The following PSMB2 variants were observed in gnomAD, a reference collection of about 807,000 sequenced individuals.
The protein encoded by PSMB2 is proteasome 20S subunit beta 2.
PSMB2 carries 13 observed loss-of-function variants against 25.7 expected under a neutral mutation model. The observed-to-expected ratio is 0.51, with a 90% CI of 0.33 to 0.80. The LOEUF (loss-of-function observed/expected upper bound fraction) is 0.80. Ranked by LOEUF, PSMB2 falls within the 30% of genes least tolerant of loss-of-function variation. PSMB2 has a pLI of 0.02. For synonymous variants in PSMB2, 87 were observed against 96.2 expected (o/e 0.90, Z 0.56); for missense variants, 202 against 259.0 (o/e 0.78, Z 1.51).
intron 3 of PSMB2, among the ~76,000 whole-genome samples, chr1:35,625,802 C>T (rs1238979404): frequency 6.6e-6 from 1 of 151,794 alleles, no homozygotes; most frequent in Non-Finnish European, 1.5e-5. Context: ...AACTCATCAT[C>T]CTCTGACATT....
intron 3 of PSMB2, among the ~76,000 whole-genome samples, chr1:35,613,104 A>G (rs531300730): frequency 6.6e-6 from 1 of 152,374 alleles, no homozygotes; most frequent in East Asian, 1.9e-4. Context: ...CTCACAAATT[A>G]TTGTGTGACT....
At chr1:35,625,365 G>A (rs1313720041) in intron 3 of PSMB2, among the ~76,000 whole-genome samples, 1 of 152,112 alleles carries the variant, frequency 6.6e-6, no homozygotes, top group Non-Finnish European at 1.5e-5. Context: ...CGTTCCCAAG[G>A]ACACCAGATT....
At chr1:35,635,240 C>G (rs1005654071) in intron 2 of PSMB2, among the ~76,000 whole-genome samples, 11 of 148,244 alleles carry the variant, frequency 7.4e-5, no homozygotes, top group African/African-American at 2.8e-4. Flanking sequence ...GCCTGGACAA[C>G]AAGAGTGAAA....
chr1:35,624,682 G>A (rs1028717332), intron 3 of PSMB2, among the ~76,000 whole-genome samples: 1 of 151,838 alleles, frequency 6.6e-6, no homozygotes, highest in Non-Finnish European at 1.5e-5. Flanking sequence ...AAACCCAGGA[G>A]GCAGAGGTTG....
chr1:35,641,361 A>G lies in PSMB2; in HGVS notation c.72T>C (p.Asn24=). The G allele has an allele frequency of 6.2e-7, 1 of 1,613,912 alleles. No individual in the cohort carries two copies. Among genetic ancestry groups the G allele is most frequent in the Non-Finnish European group, 8.5e-7 (1 of 1,179,964 alleles). ...LVASDRVAAS[N]IVQMKDDHDK... is the part of the protein sequence containing the mutation. ...TCTCACCGTCCTTCATCTGGACAATATTGCTGGCGGCCACCCGGTCGGAGG... is the reference window on the plus strand; with the variant it reads ...TCTCACCGTCCTTCATCTGGACAATGTTGCTGGCGGCCACCCGGTCGGAGG... The change falls in exon 1 of 6, where the codon AAT becomes AAC. Residue 24 remains asparagine (N), a synonymous_variant. Coordinates refer to ENST00000373237, the MANE Select transcript of PSMB2 (RefSeq NM_002794.5).
chr1:35,636,451 T>C lies in PSMB2; in HGVS notation c.92-19A>G, dbSNP rs1026689724. The C allele has an allele frequency of 1.2e-6, 2 of 1,609,808 alleles. No homozygotes were observed. Among genetic ancestry groups the C allele is most frequent in the Non-Finnish European group, 1.7e-6 (2 of 1,178,404 alleles). ...TCATGATCTGCTCAAAGAAGAAAAC[T>C]GTGTTAGAAACTGCCTTAACAGACA... On this transcript the variant is annotated intron_variant, in intron 1 of 5. Coordinates refer to ENST00000373237, the MANE Select transcript of PSMB2 (RefSeq NM_002794.5).
At chr1:35,612,254 C>T (rs1650364046) in intron 3 of PSMB2, among the ~76,000 whole-genome samples, 1 of 151,158 alleles carries the variant, frequency 6.6e-6, no homozygotes. Flanking sequence ...GTAAAGCTGA[C>T]CTTAGGCAAA....
chr1:35,609,533 A>G, intron 3 of PSMB2, 125 bp from the exon 4 acceptor site: 1 of 897,380 alleles, frequency 1.1e-6, no homozygotes, highest in Non-Finnish European at 1.6e-6. Flanking sequence ...AGTAAATCAC[A>G]ATGAAAGTAA....
chr1:35,602,949 A>C lies in PSMB2; in HGVS notation c.*318T>G. The C allele has an allele frequency of 9.5e-7, 1 of 1,051,334 alleles. No homozygotes were observed. Among genetic ancestry groups the C allele is most frequent in the Non-Finnish European group, 1.1e-6 (1 of 870,762 alleles). The allele number at this position is 1,051,334 out of a possible 1,614,324, so 65.1% of individuals were successfully genotyped here. ...GAGAATGGAGATACTAGCAAGTAAAATATATGAAAGAGCTAGTTGGAAAGG... is the reference window on the plus strand; with the variant it reads ...GAGAATGGAGATACTAGCAAGTAAACTATATGAAAGAGCTAGTTGGAAAGG... On this transcript the variant is annotated 3_prime_UTR_variant, in exon 6 of 6. Coordinates refer to ENST00000373237, the MANE Select transcript of PSMB2 (RefSeq NM_002794.5).
intron 3 of PSMB2, among the ~76,000 whole-genome samples, chr1:35,619,497 T>C (rs1304480638): frequency 3.3e-5 from 5 of 152,212 alleles, no homozygotes; most frequent in Non-Finnish European, 7.3e-5. Context: ...TACTGCTTGC[T>C]TGACAGAGCT....
chr1:35,604,522 G>A (rs1418421020), intron 5 of PSMB2, among the ~76,000 whole-genome samples: 2 of 152,220 alleles, frequency 1.3e-5, no homozygotes, highest in African/African-American at 4.8e-5. Flanking sequence ...GCTCATGCCT[G>A]TAATCCCAGC....
chr1:35,605,088 TC>T, intron 5 of PSMB2, 144 bp downstream of exon 5: 1 of 698,274 alleles, frequency 1.4e-6, no homozygotes, highest in East Asian at 2.7e-5. Flanking sequence ...CCAAACTCTA[TC>T]CCTGGTAGCA....
At chr1:35,623,675 A>C (rs1421014736) in intron 3 of PSMB2, among the ~76,000 whole-genome samples, 1 of 152,204 alleles carries the variant, frequency 6.6e-6, no homozygotes, top group East Asian at 1.9e-4. Context: ...GGTGAGCTGA[A>C]GGCAAGCCTC....
At chr1:35,612,310 T>C (rs1198862737) in intron 3 of PSMB2, among the ~76,000 whole-genome samples, 1 of 151,682 alleles carries the variant, frequency 6.6e-6, no homozygotes, top group Admixed American at 6.6e-5. Context: ...TTTTAACATG[T>C]AAAACTGGGT....
chr1:35,619,267 G>A (rs1329944937), intron 3 of PSMB2, among the ~76,000 whole-genome samples: 3 of 152,178 alleles, frequency 2.0e-5, no homozygotes, highest in African/African-American at 7.2e-5. Flanking sequence ...CAGGAATGTT[G>A]CTGCATTTAC....
chr1:35,628,628 TATA>T (rs1233861361), intron 3 of PSMB2, among the ~76,000 whole-genome samples: 18 of 51,150 alleles, frequency 3.5e-4, no homozygotes, highest in African/African-American at 8.5e-4. Flanking sequence ...TATATATATA[TATA>T]TTTTTTTTTT....
intron 3 of PSMB2, among the ~76,000 whole-genome samples, chr1:35,627,667 T>TCTCC (rs1650905956): frequency 6.6e-6 from 1 of 152,092 alleles, no homozygotes; most frequent in African/African-American, 2.4e-5. Flanking sequence ...AGTAAGAGCT[T>TCTCC]TGCATTATTA....
chr1:35,636,170 C>T, intron 2 of PSMB2, 140 bp downstream of exon 2: 1 of 1,059,340 alleles, frequency 9.4e-7, no homozygotes. Context: ...ATCAACGCTG[C>T]CAACACCTTA....
rs1235828300 is a variant in PSMB2, at chr1:35,628,606, T to A, written c.285+2668A>T. Among the ~76,000 whole-genome samples the A allele has an allele frequency of 8.0e-3, 203 of 25,330 alleles. 4 individuals are homozygous for A. In the East Asian group the frequency reaches 0.1, roughly 13 times the overall value. The allele number at this position is 25,330 out of a possible 152,430, so 16.6% of individuals were successfully genotyped here. A position where few individuals can be genotyped will look rare whatever the true frequency, so the allele number is the denominator to read the frequency against. On this transcript the variant is annotated intron_variant, in intron 3 of 5. Coordinates refer to ENST00000373237, the MANE Select transcript of PSMB2 (RefSeq NM_002794.5). Reference sequence around the variant, plus strand: ...AAAAAAAAAAAAAAAAATATATATATATATATATATATATATATATATATA... The same window carrying A: ...AAAAAAAAAAAAAAAAATATATATAAATATATATATATATATATATATATA...
Sources: gnomAD v4.1 joint callset for allele counts (sites outside exome capture counted in the v4.1 genomes callset) on GRCh38, gnomAD v4.1.1 for gene constraint, MANE v1.5 for transcripts, NCBI Gene and HGNC (gene_info 2026-07-23, HGNC 2026-07-21) for gene names.